The following SOAT2 variants were observed in gnomAD, a reference collection of about 807,000 sequenced individuals.
SOAT2 encodes sterol O-acyltransferase 2.
SOAT2 carries 87 observed loss-of-function variants against 76.0 expected under a neutral mutation model. The ratio of observed to expected loss-of-function variants is 1.14; its 90% CI spans 0.96 to 1.37. The LOEUF (loss-of-function observed/expected upper bound fraction) is 1.37, where lower values mean the gene tolerates loss of function less well. SOAT2 is among the 40% of genes most tolerant of loss of function. The pLI is 0.00. For missense variants in SOAT2, 686 were observed against 682.1 expected (o/e 1.01, Z -0.06); for synonymous variants, 285 against 275.4 (o/e 1.03, Z -0.34).
rs1021337175 is a variant in SOAT2 at position 53,123,067 on chromosome 12, C to T, written c.1237-14C>T. 2.5e-6 allele frequency: 4 copies of T among 1,607,870 alleles called. No individual in the cohort carries two copies. The highest frequency in any genetic ancestry group is 2.7e-5 in the African/African-American group (2 of 74,726). ...AGGGAGACTTACTCTTCACTCCTTT[C>T]CTCACCCTGCCAGCTCCTTGGTGCC... On this transcript the variant is annotated splice_polypyrimidine_tract_variant and intron_variant, in intron 12 of 14. Coordinates refer to ENST00000301466, the MANE Select transcript of SOAT2 (RefSeq NM_003578.4).
At chr12:53,112,485 G>A (rs961973471) in intron 5 of SOAT2, among the ~76,000 whole-genome samples, 1 of 147,442 alleles carries the variant, frequency 6.8e-6, no homozygotes, top group Non-Finnish European at 1.5e-5. Flanking sequence ...GGCGGAGGTT[G>A]TGGTGAGCCA....
At chr12:53,112,707 A>G (rs1243578994) in intron 5 of SOAT2, among the ~76,000 whole-genome samples, 4 of 152,094 alleles carry the variant, frequency 2.6e-5, no homozygotes, top group African/African-American at 9.6e-5. Context: ...AGCGTCTAGA[A>G]GATATTTTTC....
rs1433503595 is a variant in SOAT2 at position 53,119,134 on chromosome 12, G to T, written c.920G>T (p.Cys307Phe). 8.1e-6 allele frequency: 13 copies of T among 1,613,726 alleles called. No homozygotes were observed. In the African/African-American group the frequency reaches 1.7e-4, roughly 22 times the overall value. ...CCATGCCCCCTCCAGGCCCTGGGATGTGTGCTCTATGCCTGCTTCATCCTG... is the reference window on the plus strand; with the variant it reads ...CCATGCCCCCTCCAGGCCCTGGGATTTGTGCTCTATGCCTGCTTCATCCTG... ...VAKNFAQALG[C>F]VLYACFILGR... The change falls in exon 10 of 15, where the codon TGT becomes TTT. Residue 307 changes from cysteine to phenylalanine, a missense_variant. Cys to Phe is a radical substitution (Grantham distance 205, BLOSUM62 -2). Transcript: ENST00000301466.
chr12:53,105,360 C>G, intron 3 of SOAT2, 117 bp downstream of exon 3: 1 of 1,357,282 alleles, frequency 7.4e-7, no homozygotes, highest in Non-Finnish European at 1.0e-6. Context: ...TTCCCTCTTC[C>G]CCCCTTGTCT....
rs760609178 is a variant in SOAT2, at chr12:53,115,471, G to A, written c.525G>A (p.Leu175=). 9.3e-6 allele frequency: 15 copies of A among 1,612,228 alleles called. No homozygotes were observed. The highest frequency in any genetic ancestry group is 1.7e-4 in the Middle Eastern group (1 of 6,042). ...TGGTGACCTGGGTGCCCATGTTTCT[G>A]TCCACCCTGTTGGCGCCGTACCAGG... ...LALVTWVPMF[L]STLLAPYQAL... The change falls in exon 6 of 15, where the codon CTG becomes CTA. Residue 175 remains leucine, a synonymous_variant. Transcript: ENST00000301466.
chr12:53,115,321 CAGACTGAAGAGGAAGGGGACAAGA>C, intron 5 of SOAT2, 45 bp from the exon 6 acceptor site: 3 of 1,494,692 alleles, frequency 2.0e-6, no homozygotes, highest in Non-Finnish European at 2.7e-6. Context: ...TCCAGGAGCT[CAGACTGAAGAGGAAGGGGACAAGA>C]ATGGGCTTCA....
At chr12:53,115,676 C>T (rs748818127) in intron 6 of SOAT2, 22 bp downstream of exon 6, 7 of 1,492,284 alleles carry the variant, frequency 4.7e-6, no homozygotes, top group African/African-American at 1.4e-5. Flanking sequence ...GCCCTGCTGA[C>T]GGACAGGAAG....
chr12:53,104,191 G>T lies in SOAT2; in HGVS notation c.123G>T (p.Trp41Cys). The T allele has an allele frequency of 6.2e-7, 1 of 1,612,974 alleles. No homozygotes were observed. Among genetic ancestry groups the T allele is most frequent in the South Asian group, 1.1e-5 (1 of 91,024 alleles). ...ACAGAGCCCCGGACTTGGTACAATG[G>T]ACCCGACACATGGAGGTGAGGGATG... is the stretch of plus-strand genomic sequence containing the variant. ...ETHRAPDLVQ[W>C]TRHMEAVKAQ... Residue 41 changes from tryptophan to cysteine, a missense_variant, in exon 2 of 15, where the codon TGG (tryptophan) becomes TGT (cysteine). Coordinates refer to ENST00000301466, the MANE Select transcript of SOAT2 (RefSeq NM_003578.4).
chr12:53,105,195 C>T lies in SOAT2; in HGVS notation c.227C>T (p.Pro76Leu). Residue 76 changes from proline to leucine, a missense_variant, in exon 3 of 15, where the codon CCA becomes CTA. Coordinates refer to ENST00000301466, the MANE Select transcript of SOAT2 (RefSeq NM_003578.4). ...RAMREAIQSYPSQDKPLPPPP... is the reference protein window; with the variant it reads ...RAMREAIQSYLSQDKPLPPPP... Reference sequence around the variant, plus strand: ...ATGCGGGAGGCTATACAATCCTACCCATCACAAGACAAACCTCTGCCCCCA... The same window carrying T: ...ATGCGGGAGGCTATACAATCCTACCTATCACAAGACAAACCTCTGCCCCCA... 2 of 1,600,886 alleles carry T rather than the reference C, an allele frequency of 1.2e-6. No homozygotes were observed. Among genetic ancestry groups the T allele is most frequent in the Non-Finnish European group, 8.5e-7 (1 of 1,173,900 alleles).
Position 53,105,229 on chromosome 12 carries a change from A to G in SOAT2, c.261A>G (p.Pro87=), listed in dbSNP as rs1234135184. 8 of 1,603,562 alleles carry G rather than the reference A, an allele frequency of 5.0e-6. No homozygotes were observed. The highest frequency in any genetic ancestry group is 2.2e-5 in the South Asian group (2 of 89,016). ...ACAAACCTCTGCCCCCACCTCCCCC[A>G]GGTTCCTTGAGCAGGTGAGTCTGGG... ...SQDKPLPPPP[P]GSLSRTQEPS... The change falls in exon 3 of 15, where the codon CCA becomes CCG. Residue 87 remains proline, a synonymous_variant. Coordinates refer to ENST00000301466, the MANE Select transcript of SOAT2 (RefSeq NM_003578.4).
intron 5 of SOAT2, among the ~76,000 whole-genome samples, chr12:53,113,248 T>C (rs1938050811): frequency 6.6e-6 from 1 of 152,118 alleles, no homozygotes; most frequent in African/African-American, 2.4e-5. Context: ...GTGAGCCCTA[T>C]TGCTTCCCTG....
At position 53,121,400 on chromosome 12, in the gene SOAT2, G is replaced by T; in HGVS notation, c.1235G>T (p.Arg412Leu). ...LYSYVYQDGL[R>L]LLGARARGVA... ...AGCTACGTGTATCAGGATGGGCTGC[G>T]GGTATGGGCCCTGCAGACCCCTTCA... Residue 412 changes from arginine to leucine, a missense_variant and splice_region_variant, in exon 12 of 15, where the codon CGG becomes CTG. By Grantham distance (102) the Arg-to-Leu change is moderately radical (BLOSUM62 -2). Coordinates refer to ENST00000301466, the MANE Select transcript of SOAT2 (RefSeq NM_003578.4). The T allele has an allele frequency of 6.2e-7, 1 of 1,612,324 alleles. No individual in the cohort carries two copies. Among genetic ancestry groups the T allele is most frequent in the South Asian group, 1.1e-5 (1 of 91,052 alleles).
intron 2 of SOAT2, 87 bp from the exon 3 acceptor site, chr12:53,105,020 C>T (rs1168352303): frequency 3.1e-6 from 4 of 1,294,250 alleles, no homozygotes; most frequent in African/African-American, 1.5e-5. Context: ...CTGTGCCTGG[C>T]ATAGACAGAA....
intron 2 of SOAT2, 88 bp from the exon 3 acceptor site, chr12:53,105,019 G>T: frequency 7.0e-7 from 1 of 1,431,218 alleles, no homozygotes; most frequent in Non-Finnish European, 9.5e-7. Flanking sequence ...ACTGTGCCTG[G>T]CATAGACAGA....
intron 1 of SOAT2, 64 bp downstream of exon 1, chr12:53,103,723 T>C (rs1592273969): frequency 2.4e-6 from 3 of 1,274,934 alleles, no homozygotes; most frequent in Non-Finnish European, 3.2e-6. Flanking sequence ...AGAGATGCGC[T>C]ATGGAGAGAA....
At chr12:53,116,896 C>T (rs1435997097) in intron 7 of SOAT2, among the ~76,000 whole-genome samples, 2 of 151,612 alleles carry the variant, frequency 1.3e-5, no homozygotes, top group Non-Finnish European at 2.9e-5. Flanking sequence ...ACATGCAACT[C>T]TTTCTTTCAC....
intron 13 of SOAT2, 74 bp from the exon 14 acceptor site, chr12:53,123,654 C>A: frequency 1.3e-6 from 2 of 1,566,500 alleles, no homozygotes; most frequent in Non-Finnish European, 1.8e-6. Context: ...CTTCCCAATA[C>A]CCTGGAATGG....
At chr12:53,115,720 G>A (rs1565627776) in intron 6 of SOAT2, 66 bp downstream of exon 6, 4 of 1,441,984 alleles carry the variant, frequency 2.8e-6, no homozygotes, top group Non-Finnish European at 3.6e-6. Flanking sequence ...AGCAGAGGGG[G>A]AGTCCCCCAA....
chr12:53,105,337 C>T (rs1486353939), intron 3 of SOAT2, 94 bp downstream of exon 3: 12 of 1,452,642 alleles, frequency 8.3e-6, no homozygotes, highest in South Asian at 2.6e-5. Flanking sequence ...TTATCAGGAC[C>T]GTGACTCCAG....
Sources: gnomAD v4.1 joint callset for allele counts (sites outside exome capture counted in the v4.1 genomes callset) on GRCh38, gnomAD v4.1.1 for gene constraint, MANE v1.5 for transcripts, NCBI Gene and HGNC (gene_info 2026-07-23, HGNC 2026-07-21) for gene names.